The following PALS1 variants were observed in gnomAD, a reference collection of about 807,000 sequenced individuals.
PALS1 encodes the protein protein PALS1.
A neutral mutation model predicts 78.9 loss-of-function variants in PALS1; 31 were observed. That is an observed-to-expected ratio of 0.39 (90% CI 0.30 to 0.53). PALS1 has a LOEUF of 0.53. PALS1 is among the 20% of genes least tolerant of loss of function. The pLI, the probability that PALS1 is intolerant of heterozygous loss-of-function variation, is 0.67. For missense variants in PALS1, 704 were observed against 826.5 expected (o/e 0.85, Z 1.82); for synonymous variants, 276 against 270.9 (o/e 1.02, Z -0.18).
intron 3 of PALS1, among the ~76,000 whole-genome samples, chr14:67,284,427 C>A (rs1392381631): frequency 4.9e-5 from 4 of 82,218 alleles, no homozygotes; most frequent in South Asian, 9.1e-4. Flanking sequence ...GACCCTATCT[C>A]TTAAAAAAAA....
In PALS1 at chr14:67,335,335, T is replaced by C. The variant is rs1170953810; in HGVS notation, c.*2379T>C. The stretch of plus-strand genomic sequence containing the variant: ...TGTACACCTAGTTGTACAGCCACTC[T>C]GGCCAATTCCATTTCCTGTCCCTCT... On this transcript the variant is annotated 3_prime_UTR_variant, in exon 15 of 15. Transcript: ENST00000261681. 3 of 152,246 alleles carry C rather than the reference T, an allele frequency of 2.0e-5. No homozygotes were observed. The highest frequency in any genetic ancestry group is 2.9e-5 in the Non-Finnish European group (2 of 68,052). The allele number at this position is 152,246 out of a possible 1,614,324, so 9.4% of individuals were successfully genotyped here.
intron 14 of PALS1, among the ~76,000 whole-genome samples, chr14:67,325,979 CTTTTTTTT>C (rs61592505): frequency 1.7e-4 from 19 of 110,222 alleles, no homozygotes; most frequent in Non-Finnish European, 3.0e-4. Flanking sequence ...CGGCTCTTTT[CTTTTTTTT>C]TTTTTTTTTT....
intron 14 of PALS1, among the ~76,000 whole-genome samples, chr14:67,327,374 C>T (rs72717389): frequency 0.024 from 3,702 of 151,142 alleles, 71 homozygotes; most frequent in Non-Finnish European, 0.036. Flanking sequence ...ATATAAAAGG[C>T]GGGGTACAGT....
rs1380565807 is a variant in PALS1, at chr14:67,334,738, CCA to C, written c.*1783_*1784del. The C allele has an allele frequency of 6.6e-6, 1 of 152,158 alleles. No homozygotes were observed. The highest frequency in any genetic ancestry group is 2.4e-5 in the African/African-American group (1 of 41,432). 9.4% of individuals were successfully genotyped at this position (152,158 alleles called of 1,614,324 possible). A position where few individuals can be genotyped will look rare whatever the true frequency, so the allele number is the denominator to read the frequency against. On this transcript the variant is annotated 3_prime_UTR_variant, in exon 15 of 15. Transcript: ENST00000261681. ...ACTGTCTCTTCAGATCTGAAATACT[CCA>C]GTTTAGAGCCAGGAAATTTCACAGG...
intron 3 of PALS1, among the ~76,000 whole-genome samples, chr14:67,284,912 A>G (rs1200698102): frequency 6.6e-6 from 1 of 151,834 alleles, no homozygotes; most frequent in East Asian, 1.9e-4. Context: ...AAAAATTTTT[A>G]TTTTTATTTT....
intron 2 of PALS1, among the ~76,000 whole-genome samples, chr14:67,276,529 A>G (rs1298594572): frequency 6.6e-6 from 1 of 152,190 alleles, no homozygotes; most frequent in African/African-American, 2.4e-5. Flanking sequence ...AGTTGAACAG[A>G]TATTTATTGG....
At chr14:67,321,664 G>C (rs1249925213) in intron 13 of PALS1, among the ~76,000 whole-genome samples, 3 of 152,086 alleles carry the variant, frequency 2.0e-5, no homozygotes, top group Non-Finnish European at 2.9e-5. Flanking sequence ...TGGGGATATT[G>C]AATAAACTGT....
At chr14:67,309,503 T>A (rs1166377345) in intron 8 of PALS1, among the ~76,000 whole-genome samples, 1 of 152,140 alleles carries the variant, frequency 6.6e-6, no homozygotes, top group East Asian at 1.9e-4. Context: ...ACTTGTCACA[T>A]AAGTAAAGCA....
chr14:67,320,999 AT>A, intron 12 of PALS1, 57 bp from the exon 13 acceptor site: 4 of 1,416,254 alleles, frequency 2.8e-6, no homozygotes, highest in Non-Finnish European at 4.0e-6. Flanking sequence ...TAGCAGAATT[AT>A]CCCCTGTCCT....
intron 14 of PALS1, among the ~76,000 whole-genome samples, chr14:67,329,101 C>T (rs1209836906): frequency 6.6e-6 from 1 of 152,140 alleles, no homozygotes; most frequent in Non-Finnish European, 1.5e-5. Flanking sequence ...TGATTCTTCC[C>T]ATCCATGAGC....
intron 4 of PALS1, among the ~76,000 whole-genome samples, chr14:67,300,864 A>G (rs1666280421): frequency 6.6e-6 from 1 of 151,764 alleles, no homozygotes; most frequent in Non-Finnish European, 1.5e-5. Flanking sequence ...ATATAAAAAA[A>G]TTTATAAAAT....
intron 11 of PALS1, among the ~76,000 whole-genome samples, chr14:67,317,747 C>T (rs2085199611): frequency 6.6e-6 from 1 of 152,194 alleles, no homozygotes; most frequent in Non-Finnish European, 1.5e-5. Flanking sequence ...ATACTTCTAA[C>T]AAATTCTTAC....
chr14:67,269,176 A>C (rs1037921927), intron 1 of PALS1, among the ~76,000 whole-genome samples: 2 of 152,194 alleles, frequency 1.3e-5, no homozygotes, highest in Non-Finnish European at 2.9e-5. Context: ...TGTAGGGTTA[A>C]TCTATGTTGT....
Position 67,335,081 on chromosome 14 carries a change from G to A in PALS1, c.*2125G>A, listed in dbSNP as rs1278026487. ...CTTTAACAAGCAGATCTTGTATCAA[G>A]GCAGAGGTGATGCCATGCCATACTT... On this transcript the variant is annotated 3_prime_UTR_variant, in exon 15 of 15. Coordinates refer to ENST00000261681, the MANE Select transcript of PALS1 (RefSeq NM_022474.4). The A allele has an allele frequency of 6.6e-6, 1 of 152,190 alleles. No homozygotes were observed. Among genetic ancestry groups the A allele is most frequent in the Admixed American group, 6.5e-5 (1 of 15,274 alleles). 9.4% of individuals were successfully genotyped at this position (152,190 alleles called of 1,614,324 possible). A position where few individuals can be genotyped will look rare whatever the true frequency, so the allele number is the denominator to read the frequency against.
chr14:67,280,950 G>A (rs1392601756), intron 3 of PALS1, among the ~76,000 whole-genome samples: 3 of 149,408 alleles, frequency 2.0e-5, no homozygotes, highest in Admixed American at 1.3e-4. Context: ...AGGCTGGAGT[G>A]CAGTGGTGCA....
In PALS1 at chr14:67,279,090, A is replaced by C; in HGVS notation, c.-81A>C. 1 of 1,320,190 alleles carries C rather than the reference A, an allele frequency of 7.6e-7. No individual in the cohort carries two copies. Among genetic ancestry groups the C allele is most frequent in the Non-Finnish European group, 1.0e-6 (1 of 1,004,992 alleles). 81.8% of individuals were successfully genotyped at this position (1,320,190 alleles called of 1,614,324 possible). On this transcript the variant is annotated 5_prime_UTR_variant, in exon 3 of 15. Coordinates refer to ENST00000261681, the MANE Select transcript of PALS1 (RefSeq NM_022474.4). ...AGTTTTTTTTTTTGAAGTAACATGG[A>C]TTTTATACTACAGAATCAAGAGAAT...
At chr14:67,302,284 A>G (rs994280963) in intron 6 of PALS1, 126 bp from the exon 7 acceptor site, 82 of 1,067,698 alleles carry the variant, frequency 7.7e-5, no homozygotes, top group Non-Finnish European at 1.0e-4. Flanking sequence ...TAGTTGTGTA[A>G]ATAAATTTTT....
intron 5 of PALS1, 41 bp from the exon 6 acceptor site, chr14:67,301,931 T>C (rs1320660743): frequency 1.3e-6 from 2 of 1,567,146 alleles, no homozygotes; most frequent in South Asian, 1.2e-5. Flanking sequence ...CAGAAATAAA[T>C]CATGCTGTTA....
At chr14:67,282,189 C>G (rs1469260879) in intron 3 of PALS1, among the ~76,000 whole-genome samples, 1 of 152,076 alleles carries the variant, frequency 6.6e-6, no homozygotes, top group Non-Finnish European at 1.5e-5. Flanking sequence ...AGTGTAATAG[C>G]TTTTTGCCAA....
Sources: gnomAD v4.1 joint callset for allele counts (sites outside exome capture counted in the v4.1 genomes callset) on GRCh38, gnomAD v4.1.1 for gene constraint, MANE v1.5 for transcripts, NCBI Gene and HGNC (gene_info 2026-07-23, HGNC 2026-07-21) for gene names.